SLC4A3: variants seen among roughly 807,000 people sequenced by gnomAD.
SLC4A3 encodes solute carrier family 4 member 3.
In SLC4A3, 47 loss-of-function variants were observed where a neutral mutation model predicts 114.2. The ratio of observed to expected loss-of-function variants is 0.41; its 90% confidence interval spans 0.33 to 0.52. The LOEUF is 0.52. Among genes scored for constraint, SLC4A3 ranks in the 20% least tolerant of loss-of-function variants. The pLI is 0.21. For missense variants in SLC4A3, 1,312 were observed against 1,668.3 expected, an observed-to-expected ratio of 0.79 and a Z score of 3.72; for synonymous variants, 693 against 710.3, an observed-to-expected ratio of 0.98 and a Z score of 0.39.
At position 219,633,470 on chromosome 2, in the gene SLC4A3, G is replaced by A; in HGVS notation, c.1461+13G>A. ...TGACGCCAAGGAGGTCAGTGCCCTT[G>A]CTTTGGCTTGGGCCAGGGGACTGAG... is the stretch of plus-strand genomic sequence containing the variant. On this transcript the variant is annotated intron_variant, in intron 10 of 22. Transcript: ENST00000358055. 2.0e-6 allele frequency: 3 copies of A among 1,515,698 alleles called. No individual in the cohort carries two copies. The highest frequency in any genetic ancestry group is 1.8e-6 in the Non-Finnish European group (2 of 1,131,704). The allele number at this position is 1,515,698 out of a possible 1,614,324, so 93.9% of individuals were successfully genotyped here. A position where few individuals can be genotyped will look rare whatever the true frequency, so the allele number is the denominator to read the frequency against.
Position 219,640,904 on chromosome 2 carries a change from C to T in SLC4A3, c.3563C>T (p.Thr1188Met). 4 of 1,611,038 alleles carry T rather than the reference C, an allele frequency of 2.5e-6. No individual in the cohort carries two copies. The highest frequency in any genetic ancestry group is 3.4e-6 in the Non-Finnish European group (4 of 1,180,030). The change falls in exon 22 of 23, where the codon ACG becomes ATG. Residue 1188 changes from threonine (T) to methionine (M), a missense_variant. Coordinates refer to ENST00000358055, the MANE Select transcript of SLC4A3 (RefSeq NM_005070.4). ...GCCTTTCCCTTCCTGCTGCTGCTCACGGTGCCTCTGAGGCATTGCCTTCTG... is the reference window on the plus strand; with the variant it reads ...GCCTTTCCCTTCCTGCTGCTGCTCATGGTGCCTCTGAGGCATTGCCTTCTG... ...SLAFPFLLLL[T>M]VPLRHCLLPR...
At chr2:219,633,538 G>A (rs955759155) in intron 10 of SLC4A3, 81 bp downstream of exon 10, 1 of 1,284,734 alleles carries the variant, frequency 7.8e-7, no homozygotes, top group South Asian at 1.6e-5. Context: ...ACTTCACTGA[G>A]TGGGTTGGGA....
In SLC4A3 at chr2:219,633,347, G is replaced by A. The variant is rs1227899048; in HGVS notation, c.1351G>A (p.Gly451Arg). The A allele has an allele frequency of 6.2e-7, 1 of 1,607,776 alleles. No individual in the cohort carries two copies. The highest frequency in any genetic ancestry group is 1.7e-5 in the Admixed American group (1 of 59,388). The change falls in exon 10 of 23, where the codon GGG becomes AGG. Residue 451 changes from glycine (G) to arginine (R), a missense_variant. Gly to Arg is a moderately radical substitution (Grantham distance 125). This residue lies in a region of SLC4A3 where 771 missense variants were observed against 977.7 expected (regional missense o/e 0.79). Transcript: ENST00000358055. Reference protein sequence around the residue: ...PSSSSMNSVLGNHHPTPSHGP... With the variant: ...PSSSSMNSVLRNHHPTPSHGP... ...GAGCTCCAGCATGAACTCGGTTCTG[G>A]GGAATCATCACCCAACTCCCAGCCA...
chr2:219,638,023 G>A lies in SLC4A3; in HGVS notation c.2767-141G>A. 1 of 744,452 alleles carries A rather than the reference G, an allele frequency of 1.3e-6. No homozygotes were observed. The highest frequency in any genetic ancestry group is 2.3e-6 in the Non-Finnish European group (1 of 432,720). The allele number at this position is 744,452 out of a possible 1,614,324, so 46.1% of individuals were successfully genotyped here. ...GACAACAGCCTCCCAGGCTGCGCTG[G>A]CACCTGTGGGGTTGAGAGGCACGTG... is the stretch of plus-strand genomic sequence containing the variant. On this transcript the variant is annotated intron_variant, in intron 17 of 22. Transcript: ENST00000358055. This position sits in a 1 kb window ranked among gnomAD's most constrained non-coding sequence, Gnocchi z 7.5.
Position 219,633,429 on chromosome 2 carries a change from T to G in SLC4A3, c.1433T>G (p.Leu478Arg), listed in dbSNP as rs1699008882. 8 of 1,565,442 alleles carry G rather than the reference T, an allele frequency of 5.1e-6. No individual in the cohort carries two copies. Among genetic ancestry groups the G allele is most frequent in the Non-Finnish European group, 6.9e-6 (8 of 1,155,658 alleles). Residue 478 changes from leucine to arginine, a missense_variant, in exon 10 of 23, where the codon CTC becomes CGC. Physicochemically the swap from Leu to Arg is moderately radical, Grantham distance 102 (BLOSUM62 -2). Transcript: ENST00000358055. ...GATGACCTGGGGGAGCCAGCCCCAC[T>G]CTGGCCACATGACCCTGACGCCAAG... ...MADDLGEPAP[L>R]WPHDPDAKEK...
rs1650014224 is a variant in SLC4A3, at chr2:219,627,954, C to T, written c.-39C>T. The T allele has an allele frequency of 6.3e-7, 1 of 1,591,608 alleles. No individual in the cohort carries two copies. The highest frequency in any genetic ancestry group is 1.1e-5 in the South Asian group (1 of 89,656). On this transcript the variant is annotated 5_prime_UTR_variant, in exon 2 of 23. Transcript: ENST00000358055. The stretch of plus-strand genomic sequence containing the variant: ...CTCCTTCTCACCTGGGTCTCGGGTC[C>T]CCTAGTGAGCGAGAGCGTCCCCAGC...
Position 219,639,410 on chromosome 2 carries a change from G to C in SLC4A3, c.3024-72G>C. ...GTCCTCCCCCCACCATCTCGTCTCT[G>C]TGTGCGTGCCTGTCTTTGTCCCCTG... On this transcript the variant is annotated intron_variant, in intron 19 of 22. Transcript: ENST00000358055. This position sits in a 1 kb window ranked among gnomAD's most constrained non-coding sequence, Gnocchi z 5.9. The C allele has an allele frequency of 6.5e-7, 1 of 1,548,140 alleles. No individual in the cohort carries two copies. The highest frequency in any genetic ancestry group is 2.3e-5 in the East Asian group (1 of 44,192).
intron 21 of SLC4A3, 76 bp downstream of exon 21, chr2:219,640,675 G>A: frequency 6.4e-7 from 1 of 1,573,772 alleles, no homozygotes; most frequent in Non-Finnish European, 8.7e-7. Context: ...AGCATTGATG[G>A]ATGGGATGAA....
intron 11 of SLC4A3, 109 bp from the exon 12 acceptor site, chr2:219,634,311 C>T (rs771218986): frequency 6.8e-5 from 73 of 1,080,140 alleles, no homozygotes; most frequent in East Asian, 6.4e-4. Context: ...GGTTTCTTTG[C>T]GCAGTTTACA....
chr2:219,641,029 GGC>G lies in SLC4A3; in HGVS notation c.3621+68_3621+69del. On this transcript the variant is annotated intron_variant, in intron 22 of 22. Coordinates refer to ENST00000358055, the MANE Select transcript of SLC4A3 (RefSeq NM_005070.4). This position sits in a 1 kb window ranked among gnomAD's most constrained non-coding sequence, Gnocchi z 4.0. ...GGGCACTGGGTTCCAATCTCTGTTTGGCCACCCACTAGTTGTGTTAGTTGTGA... is the reference window on the plus strand; with the variant it reads ...GGGCACTGGGTTCCAATCTCTGTTTGCACCCACTAGTTGTGTTAGTTGTGA... The G allele has an allele frequency of 6.9e-7, 1 of 1,450,840 alleles. No homozygotes were observed. Among genetic ancestry groups the G allele is most frequent in the Non-Finnish European group, 9.4e-7 (1 of 1,062,912 alleles). The allele number at this position is 1,450,840 out of a possible 1,614,324, so 89.9% of individuals were successfully genotyped here. A position where few individuals can be genotyped will look rare whatever the true frequency, so the allele number is the denominator to read the frequency against.
intron 20 of SLC4A3, among the ~76,000 whole-genome samples, chr2:219,640,039 C>T (rs1050987663): frequency 1.3e-5 from 2 of 152,198 alleles, no homozygotes; most frequent in Non-Finnish European, 2.9e-5. Flanking sequence ...ACCCATTCTC[C>T]TGCCTCCGCC....
chr2:219,640,801 C>T lies in SLC4A3; in HGVS notation c.3460C>T (p.Arg1154Trp), dbSNP rs1481900741. 9 of 1,610,852 alleles carry T rather than the reference C, an allele frequency of 5.6e-6. No individual in the cohort carries two copies. The highest frequency in any genetic ancestry group is 2.2e-5 in the East Asian group (1 of 44,840). Residue 1154 changes from arginine (R) to tryptophan (W), a missense_variant, in exon 22 of 23, where the codon CGG becomes TGG. Transcript: ENST00000358055. Reference sequence around the variant, plus strand: ...GCTGCTCCCCTAGGTGAAGACGTGGCGGATGCATCTGTTCACCTGCATCCA... The same window carrying T: ...GCTGCTCCCCTAGGTGAAGACGTGGTGGATGCATCTGTTCACCTGCATCCA... ...QPYVTKVKTW[R>W]MHLFTCIQLG...
rs571112128 is a variant in SLC4A3, at chr2:219,638,397, C to T, written c.2856+144C>T. On this transcript the variant is annotated intron_variant, in intron 18 of 22. Transcript: ENST00000358055. This position sits in a 1 kb window ranked among gnomAD's most constrained non-coding sequence, Gnocchi z 7.5. Reference sequence around the variant, plus strand: ...AGTGGCCGCCCTGGGGGCTGAGGGCCTTCCCCAGGGAGCCTGAGTGATGAA... The same window carrying T: ...AGTGGCCGCCCTGGGGGCTGAGGGCTTTCCCCAGGGAGCCTGAGTGATGAA... 209 of 702,512 alleles carry T rather than the reference C, an allele frequency of 3.0e-4. No individual in the cohort carries two copies. The highest frequency in any genetic ancestry group is 2.7e-3 in the African/African-American group (155 of 56,702). 43.5% of individuals were successfully genotyped at this position (702,512 alleles called of 1,614,324 possible). A position where few individuals can be genotyped will look rare whatever the true frequency, so the allele number is the denominator to read the frequency against.
rs775179264 is a variant in SLC4A3, at chr2:219,629,626, G to A, written c.542G>A (p.Arg181Lys). 1 of 1,613,378 alleles carries A rather than the reference G, an allele frequency of 6.2e-7. No individual in the cohort carries two copies. The highest frequency in any genetic ancestry group is 8.5e-7 in the Non-Finnish European group (1 of 1,179,840). The change falls in exon 5 of 23, where the codon AGG becomes AAG. Residue 181 changes from arginine (R) to lysine (K), a missense_variant. Arg to Lys is a conservative substitution (Grantham distance 26). Coordinates refer to ENST00000358055, the MANE Select transcript of SLC4A3 (RefSeq NM_005070.4). Reference protein sequence around the residue: ...DEDDSPGLPGRAAVTKPLPSV... With the variant: ...DEDDSPGLPGKAAVTKPLPSV... ...GATGACAGTCCAGGCCTCCCTGGGA[G>A]GGCTGCTGTCACCAAGCCCCTGCCC... is the stretch of plus-strand genomic sequence containing the variant.
intron 3 of SLC4A3, 27 bp from the exon 4 acceptor site, chr2:219,629,117 C>A: frequency 1.3e-6 from 2 of 1,546,800 alleles, no homozygotes; most frequent in Middle Eastern, 1.8e-4. Flanking sequence ...GCTGTGGGGG[C>A]CTCAACCGGA....
chr2:219,639,886 C>A lies in SLC4A3; in HGVS notation c.3277+151C>A. The A allele has an allele frequency of 1.0e-6, 1 of 976,816 alleles. No individual in the cohort carries two copies. 60.5% of individuals were successfully genotyped at this position (976,816 alleles called of 1,614,324 possible). ...CCTGCTTCCCAGCACTCCCCTAGCCCTTTACTCCTGGAGTCCTTTTCTGGC... is the reference window on the plus strand; with the variant it reads ...CCTGCTTCCCAGCACTCCCCTAGCCATTTACTCCTGGAGTCCTTTTCTGGC... On this transcript the variant is annotated intron_variant, in intron 20 of 22. Transcript: ENST00000358055. The surrounding 1 kb of genome is among the most constrained non-coding windows in gnomAD (Gnocchi z 5.9).
In SLC4A3 at chr2:219,637,714, CCAATACGG is replaced by C; in HGVS notation, c.2672_2679del (p.Asn891ThrfsTer74). ...GGCCCCCCCAGCCCGAGGAACCAGC[CCAATACGG>C]CACTGCTCTCACTCATCCTCATGCT... On this transcript the variant is annotated frameshift_variant, in exon 17 of 23. Transcript: ENST00000358055. LOFTEE classifies it high-confidence loss of function. This position sits in a 1 kb window ranked among gnomAD's most constrained non-coding sequence, Gnocchi z 4.6. 3.1e-6 allele frequency: 5 copies of C among 1,613,852 alleles called. No individual in the cohort carries two copies. Among genetic ancestry groups the C allele is most frequent in the Non-Finnish European group, 4.2e-6 (5 of 1,179,788 alleles).
chr2:219,629,739 A>G, intron 5 of SLC4A3, 44 bp downstream of exon 5: 1 of 1,345,864 alleles, frequency 7.4e-7, no homozygotes, highest in Non-Finnish European at 1.0e-6. Flanking sequence ...GCCCAGAGCC[A>G]CAGGGTCCAG....
At position 219,639,857 on chromosome 2, in the gene SLC4A3, C is replaced by A; in HGVS notation, c.3277+122C>A. On this transcript the variant is annotated intron_variant, in intron 20 of 22. Transcript: ENST00000358055. This position sits in a 1 kb window ranked among gnomAD's most constrained non-coding sequence, Gnocchi z 5.9. ...TGTGTGTTGCCCTCAATCTGACCCC[C>A]AAACCTGCTTCCCAGCACTCCCCTA... 3 of 1,306,632 alleles carry A rather than the reference C, an allele frequency of 2.3e-6. No homozygotes were observed. Among genetic ancestry groups the A allele is most frequent in the South Asian group, 1.4e-5 (1 of 71,386 alleles). 80.9% of individuals were successfully genotyped at this position (1,306,632 alleles called of 1,614,324 possible). A position where few individuals can be genotyped will look rare whatever the true frequency, so the allele number is the denominator to read the frequency against.
Sources: gnomAD v4.1 joint callset for allele counts (sites outside exome capture counted in the v4.1 genomes callset) on GRCh38, gnomAD v4.1.1 for gene constraint, gnomAD v4.1.1 regional missense constraint, Gnocchi (gnomAD v3.1) non-coding constraint, MANE v1.5 for transcripts, NCBI Gene and HGNC (gene_info 2026-07-23, HGNC 2026-07-21) for gene names.